CRADD: variants seen among roughly 807,000 people sequenced by gnomAD.
CRADD encodes the protein death domain-containing protein CRADD.
A neutral mutation model predicts 15.5 loss-of-function variants in CRADD; 9 were observed. The observed-to-expected ratio is 0.58, with a 90% CI of 0.35 to 1.01. The LOEUF (loss-of-function observed/expected upper bound fraction) is 1.01, where lower values mean the gene tolerates loss of function less well. Ranked by LOEUF, CRADD falls within the 50% of genes least tolerant of loss-of-function variation. The pLI, the probability that CRADD is intolerant of heterozygous loss-of-function variation, is 0.02. For synonymous variants in CRADD, 118 were observed against 107.6 expected (o/e 1.10, Z -0.60); for missense variants, 227 against 250.3 (o/e 0.91, Z 0.63).
At chr12:93,691,260 T>C (rs1955562667) in intron 2 of CRADD, among the ~76,000 whole-genome samples, 1 of 151,668 alleles carries the variant, frequency 6.6e-6, no homozygotes, top group African/African-American at 2.4e-5. Flanking sequence ...GTTTTCTTTT[T>C]TTTTTTTTTT....
chr12:93,756,207 A>G (rs1956888450), intron 2 of CRADD, among the ~76,000 whole-genome samples: 1 of 152,234 alleles, frequency 6.6e-6, no homozygotes, highest in Non-Finnish European at 1.5e-5. Context: ...TGAGTGGCAC[A>G]GGTCAGGCAT....
chr12:93,713,274 C>T (rs978906037), intron 2 of CRADD, among the ~76,000 whole-genome samples: 1 of 152,126 alleles, frequency 6.6e-6, no homozygotes, highest in African/African-American at 2.4e-5. Context: ...TGTAGTGACT[C>T]TGCAGAAAAC....
intron 2 of CRADD, among the ~76,000 whole-genome samples, chr12:93,855,827 T>C (rs1287872889): frequency 6.6e-6 from 1 of 152,176 alleles, no homozygotes; most frequent in Non-Finnish European, 1.5e-5. Context: ...TCTTTTTCTT[T>C]TTCTTTTTTG....
intron 2 of CRADD, among the ~76,000 whole-genome samples, chr12:93,806,619 C>A (rs527856821): frequency 6.6e-6 from 1 of 151,964 alleles, no homozygotes; most frequent in South Asian, 2.1e-4. Flanking sequence ...TTGTTATATG[C>A]CATTGAAAGA....
At chr12:93,691,759 G>A (rs1168053529) in intron 2 of CRADD, among the ~76,000 whole-genome samples, 1 of 152,150 alleles carries the variant, frequency 6.6e-6, no homozygotes, top group Non-Finnish European at 1.5e-5. Context: ...TGAAGTGACT[G>A]TCACACTAGC....
intron 2 of CRADD, among the ~76,000 whole-genome samples, chr12:93,856,998 A>T (rs1002360689): frequency 1.4e-4 from 22 of 152,232 alleles, no homozygotes; most frequent in Non-Finnish European, 3.2e-4. Flanking sequence ...CAGGAAAATT[A>T]AAGTCTCACA....
At chr12:93,769,810 T>G (rs1957063923) in intron 2 of CRADD, among the ~76,000 whole-genome samples, 2 of 152,220 alleles carry the variant, frequency 1.3e-5, no homozygotes, top group Admixed American at 1.3e-4. Context: ...AAGTATTTGT[T>G]TAGTATTTGT....
chr12:93,695,795 C>A (rs1246362730), intron 2 of CRADD, among the ~76,000 whole-genome samples: 1 of 152,130 alleles, frequency 6.6e-6, no homozygotes, highest in Non-Finnish European at 1.5e-5. Flanking sequence ...ACTTGGGAGG[C>A]TGAGGCAGGA....
intron 2 of CRADD, among the ~76,000 whole-genome samples, chr12:93,703,928 A>C (rs1390796775): frequency 6.7e-6 from 1 of 149,066 alleles, no homozygotes. Flanking sequence ...AGATTCATAC[A>C]TGCTTTTGAT....
intron 2 of CRADD, among the ~76,000 whole-genome samples, chr12:93,702,969 G>C (rs1184492933): frequency 1.3e-5 from 2 of 152,046 alleles, no homozygotes; most frequent in African/African-American, 4.8e-5. Flanking sequence ...ATGTTGTTTT[G>C]TTCAATCCAG....
At chr12:93,798,329 G>T (rs75007317) in intron 2 of CRADD, among the ~76,000 whole-genome samples, 1 of 152,024 alleles carries the variant, frequency 6.6e-6, no homozygotes, top group Non-Finnish European at 1.5e-5. Flanking sequence ...AGTATTTCTC[G>T]GTTTTTGTGT....
rs568744889 is a variant in CRADD, at chr12:93,850,356, G to T, written c.*85G>T. The T allele has an allele frequency of 3.1e-5, 46 of 1,473,778 alleles. 1 individual carries two copies. In the East Asian group the frequency reaches 1.1e-3, roughly 36 times the overall value. The allele number at this position is 1,473,778 out of a possible 1,614,324, so 91.3% of individuals were successfully genotyped here. ...TTTCACTCAGAGCAGGTGGTTTTTT[G>T]TGTAGGTTTGTTTTTTATTTTTGAT... On this transcript the variant is annotated 3_prime_UTR_variant, in exon 3 of 3. Coordinates refer to ENST00000332896, the MANE Select transcript of CRADD (RefSeq NM_003805.5). This position sits in a 1 kb window ranked among gnomAD's most constrained non-coding sequence, Gnocchi z 4.0.
At chr12:93,784,222 T>C (rs141888957) in intron 2 of CRADD, among the ~76,000 whole-genome samples, 1 of 152,168 alleles carries the variant, frequency 6.6e-6, no homozygotes, top group Non-Finnish European at 1.5e-5. Flanking sequence ...AATGACAAAA[T>C]TTTACTCACA....
At chr12:93,861,946 TG>T (rs1958323036) in intron 2 of CRADD, among the ~76,000 whole-genome samples, 1 of 152,196 alleles carries the variant, frequency 6.6e-6, no homozygotes, top group Non-Finnish European at 1.5e-5. Flanking sequence ...CCCTGAATCA[TG>T]GGGTCGGTTT....
chr12:93,799,878 T>C (rs1240694793), intron 2 of CRADD, among the ~76,000 whole-genome samples: 1 of 152,218 alleles, frequency 6.6e-6, no homozygotes, highest in Admixed American at 6.5e-5. Context: ...TAAGCAGATA[T>C]AGTGCATGGA....
chr12:93,790,518 A>G (rs1241687508), intron 2 of CRADD, among the ~76,000 whole-genome samples: 1 of 152,040 alleles, frequency 6.6e-6, no homozygotes, highest in East Asian at 1.9e-4. Context: ...ACTTGTGTGT[A>G]TATTTTCGCT....
chr12:93,893,214 A>G (rs1033925253), intron 2 of CRADD, among the ~76,000 whole-genome samples: 4 of 152,218 alleles, frequency 2.6e-5, no homozygotes, highest in African/African-American at 4.8e-5. Flanking sequence ...AGAGAATTAT[A>G]TAACAGCAAA....
chr12:93,747,474 T>G (rs1956771627), intron 2 of CRADD, among the ~76,000 whole-genome samples: 1 of 151,854 alleles, frequency 6.6e-6, no homozygotes, highest in Non-Finnish European at 1.5e-5. Context: ...TTCTTTTTTT[T>G]TTTTCAGATG....
chr12:93,882,336 G>T (rs543506387), intron 2 of CRADD, among the ~76,000 whole-genome samples: 1 of 149,822 alleles, frequency 6.7e-6, no homozygotes, highest in Non-Finnish European at 1.5e-5. Flanking sequence ...CAGGAGAATC[G>T]CTTGAACCCG....
Sources: allele counts gnomAD v4.1 joint callset (sites outside exome capture counted in the v4.1 genomes callset), GRCh38; gene constraint gnomAD v4.1.1; non-coding constraint Gnocchi (gnomAD v3.1); transcripts MANE v1.5; gene names NCBI Gene and HGNC (gene_info 2026-07-23, HGNC 2026-07-21).